The following ABCB1 variants were observed in gnomAD, a reference collection of about 807,000 sequenced individuals.
ABCB1 encodes ATP binding cassette subfamily B member 1.
In ABCB1, 69 loss-of-function variants were observed where a neutral mutation model predicts 142.0. The ratio of observed to expected loss-of-function variants is 0.49; its 90% confidence interval spans 0.40 to 0.59. The LOEUF (loss-of-function observed/expected upper bound fraction) is 0.59, where lower values mean the gene tolerates loss of function less well. Ranked by LOEUF, ABCB1 falls within the 20% of genes least tolerant of loss-of-function variation. The pLI is 0.00. For missense variants in ABCB1, 1,326 were observed against 1,554.7 expected, an observed-to-expected ratio of 0.85 and a Z score of 2.47; for synonymous variants, 532 against 539.2, an observed-to-expected ratio of 0.99 and a Z score of 0.18.
At chr7:87,517,366 C>CTT (rs766891620) in intron 23 of ABCB1, among the ~76,000 whole-genome samples, 8 of 151,266 alleles carry the variant, frequency 5.3e-5, no homozygotes, top group African/African-American at 1.9e-4. Flanking sequence ...CTCTCTCTTT[C>CTT]TCTCTCTCTC....
rs781068922 is a variant in ABCB1 at position 87,516,661 on chromosome 7, A to T, written c.2932T>A (p.Phe978Ile). ...ATGGCACCAAAGACAACAGCTGAAAATACTCTGGAAAGCACAAACACAAAA... is the reference window on the plus strand; with the variant it reads ...ATGGCACCAAAGACAACAGCTGAAATTACTCTGGAAAGCACAAACACAAAA... ...LMSFEDVLLVFSAVVFGAMAV... is the reference protein window; with the variant it reads ...LMSFEDVLLVISAVVFGAMAV... Residue 978 changes from phenylalanine to isoleucine, a missense_variant, in exon 24 of 28, where the codon TTT becomes ATT. Transcript: ENST00000622132. 1.2e-6 allele frequency: 2 copies of T among 1,614,012 alleles called. No homozygotes were observed. Among genetic ancestry groups the T allele is most frequent in the South Asian group, 2.2e-5 (2 of 91,070 alleles).
At chr7:87,663,698 T>A (rs1480949902) in intron 1 of ABCB1, among the ~76,000 whole-genome samples, 1 of 152,162 alleles carries the variant, frequency 6.6e-6, no homozygotes, top group African/African-American at 2.4e-5. Flanking sequence ...ATTCTCTGAG[T>A]GTTCTTAGAG....
intron 9 of ABCB1, among the ~76,000 whole-genome samples, chr7:87,552,102 C>A (rs6961665): frequency 0.48 from 72,603 of 152,032 alleles, 17,420 homozygotes; most frequent in Admixed American, 0.51. Context: ...AAAGCACACA[C>A]ACCTAAGACA....
At chr7:87,572,693 G>A (rs1372298218) in intron 4 of ABCB1, among the ~76,000 whole-genome samples, 1 of 152,104 alleles carries the variant, frequency 6.6e-6, no homozygotes, top group Non-Finnish European at 1.5e-5. Context: ...GTGGTACATA[G>A]ATGCCATGGA....
rs377487704 is a variant in ABCB1 at position 87,581,582 on chromosome 7, G to T, written c.286+3930C>A. Among the ~76,000 whole-genome samples, 8 of 152,290 alleles carry T rather than the reference G, an allele frequency of 5.3e-5. No homozygotes were observed. The East Asian group carries it at 5.8e-4, about 11-fold the overall frequency. ...ATTAAACCAGAGATAGATGGGAGTG[G>T]CTGTCAGGAAATCTGGTCCACAGTA... On this transcript the variant is annotated intron_variant, in intron 4 of 27. Transcript: ENST00000622132.
chr7:87,611,354 T>C (rs1158148408), intron 1 of ABCB1, among the ~76,000 whole-genome samples: 1 of 152,236 alleles, frequency 6.6e-6, no homozygotes, highest in Admixed American at 6.5e-5. Context: ...AGGATGTTTT[T>C]CAGCCCTTGC....
At chr7:87,510,246 G>T (rs1274342915) in intron 25 of ABCB1, among the ~76,000 whole-genome samples, 2 of 152,200 alleles carry the variant, frequency 1.3e-5, no homozygotes, top group Non-Finnish European at 2.9e-5. Context: ...ACAGTGCCCA[G>T]GATTAGCATG....
At chr7:87,615,725 T>C (rs1250485574) in intron 1 of ABCB1, among the ~76,000 whole-genome samples, 1 of 152,236 alleles carries the variant, frequency 6.6e-6, no homozygotes, top group Non-Finnish European at 1.5e-5. Context: ...GACTTTGTGA[T>C]ACAGTTGTTA....
chr7:87,561,308 A>T lies in ABCB1; in HGVS notation c.782T>A (p.Ile261Asn), dbSNP rs1425167192. Residue 261 changes from isoleucine (I) to asparagine (N), a missense_variant, in exon 8 of 28, where the codon ATT becomes AAT. Coordinates refer to ENST00000622132, the MANE Select transcript of ABCB1 (RefSeq NM_001348946.2). The stretch of plus-strand genomic sequence containing the variant: ...TCCTCCAAATGCAATCACAGTTCTA[A>T]TTGCTGCCAAGACCTCTTCAGCTAC... ...GAVAEEVLAA[I>N]RTVIAFGGQK... 1 of 1,614,068 alleles carries T rather than the reference A, an allele frequency of 6.2e-7. No individual in the cohort carries two copies. The highest frequency in any genetic ancestry group is 1.7e-5 in the Admixed American group (1 of 60,018).
chr7:87,561,212 T>A (rs754610424), intron 8 of ABCB1, 51 bp downstream of exon 8: 1 of 1,606,016 alleles, frequency 6.2e-7, no homozygotes. Context: ...TGAAGGGCAT[T>A]TGAGAAGACA....
chr7:87,571,016 G>T lies in ABCB1; in HGVS notation c.287-793C>A, dbSNP rs28381834. The stretch of plus-strand genomic sequence containing the variant: ...ATATTTTACTGTTACAAGCAATGCT[G>T]TGTTAAACATACTTATACACATATG... On this transcript the variant is annotated intron_variant, in intron 4 of 27. Coordinates refer to ENST00000622132, the MANE Select transcript of ABCB1 (RefSeq NM_001348946.2). Among the ~76,000 whole-genome samples the T allele has an allele frequency of 9.8e-3, 1,485 of 152,266 alleles. 12 individuals are homozygous for T. Among genetic ancestry groups the T allele is most frequent in the Middle Eastern group, 0.034 (10 of 294 alleles).
chr7:87,625,961 G>A (rs1820409676), intron 1 of ABCB1, among the ~76,000 whole-genome samples: 1 of 147,834 alleles, frequency 6.8e-6, no homozygotes, highest in Admixed American at 6.8e-5. Flanking sequence ...CGTATGGCTA[G>A]AGAGAGAGGA....
At chr7:87,539,939 T>A (rs961119009) in intron 18 of ABCB1, among the ~76,000 whole-genome samples, 1 of 152,188 alleles carries the variant, frequency 6.6e-6, no homozygotes, top group Non-Finnish European at 1.5e-5. Context: ...AAATTTACAT[T>A]GAGCAATCTT....
intron 4 of ABCB1, among the ~76,000 whole-genome samples, chr7:87,578,925 C>G (rs1470341939): frequency 6.6e-6 from 1 of 151,844 alleles, no homozygotes; most frequent in Non-Finnish European, 1.5e-5. Flanking sequence ...GATCTCCTGA[C>G]CTCGTGATCC....
At chr7:87,550,107 A>C in intron 12 of ABCB1, 53 bp from the exon 13 acceptor site, 1 of 1,614,120 alleles carries the variant, frequency 6.2e-7, no homozygotes, top group South Asian at 1.1e-5. Flanking sequence ...AAAGGGCAAC[A>C]TCAGAAAGAT....
intron 1 of ABCB1, among the ~76,000 whole-genome samples, chr7:87,644,805 A>G (rs1822818328): frequency 6.6e-6 from 1 of 151,964 alleles, no homozygotes; most frequent in South Asian, 2.1e-4. Flanking sequence ...ATTAAAGATG[A>G]ATTTTCACTA....
Position 87,679,860 on chromosome 7 carries a change from A to T in ABCB1, c.-331+33301T>A, listed in dbSNP as rs1318042662. Among the ~76,000 whole-genome samples the T allele has an allele frequency of 2.0e-5, 3 of 150,810 alleles. 1 individual carries two copies. The highest frequency in any genetic ancestry group is 7.4e-5 in the African/African-American group (3 of 40,642). On this transcript the variant is annotated intron_variant, in intron 1 of 28. Transcript: ENST00000265724. ...AAAGTATGTTCTCTGTAATGGAATGAAACTAGATGTCAAGAACAGAAGATA... is the reference window on the plus strand; with the variant it reads ...AAAGTATGTTCTCTGTAATGGAATGTAACTAGATGTCAAGAACAGAAGATA...
At chr7:87,572,191 G>A (rs1381960391) in intron 4 of ABCB1, among the ~76,000 whole-genome samples, 1 of 149,966 alleles carries the variant, frequency 6.7e-6, no homozygotes. Context: ...ACCAGGAAAT[G>A]TCTCTATATA....
chr7:87,620,708 CTT>C (rs1393747049), intron 1 of ABCB1, among the ~76,000 whole-genome samples: 1 of 152,084 alleles, frequency 6.6e-6, no homozygotes, highest in Non-Finnish European at 1.5e-5. Context: ...TGGGTAAACA[CTT>C]TTATAATCTA....
Sources: gnomAD v4.1 joint callset for allele counts (sites outside exome capture counted in the v4.1 genomes callset) on GRCh38, gnomAD v4.1.1 for gene constraint, MANE v1.5 for transcripts, NCBI Gene and HGNC (gene_info 2026-07-23, HGNC 2026-07-21) for gene names.